WSCD2: variants seen among roughly 807,000 people sequenced by gnomAD.
The protein encoded by WSCD2 is WSC domain sialate O sulfotransferase 2.
Under a neutral mutation model 55.7 loss-of-function variants are expected in WSCD2, and 28 were observed. The ratio of observed to expected loss-of-function variants is 0.50; its 90% CI spans 0.37 to 0.69. The LOEUF is 0.69. WSCD2 is among the 30% of genes least tolerant of loss of function. The pLI, the probability that WSCD2 is intolerant of heterozygous loss-of-function variation, is 0.00. For missense variants in WSCD2, 616 were observed against 762.1 expected, an observed-to-expected ratio of 0.81 and a Z score of 2.26; for synonymous variants, 301 against 301.9, an observed-to-expected ratio of 1.00 and a Z score of 0.03.
intron 6 of WSCD2, among the ~76,000 whole-genome samples, chr12:108,227,856 CTGATGATAGTGA>C (rs913130845): frequency 2.6e-5 from 4 of 151,752 alleles, no homozygotes; most frequent in Admixed American, 2.6e-4. Context: ...GCTGATAGTG[CTGATGATAGTGA>C]TGATGAAAGT....
intron 1 of WSCD2, among the ~76,000 whole-genome samples, chr12:108,176,442 G>A (rs530076022): frequency 4.6e-5 from 7 of 152,222 alleles, no homozygotes; most frequent in South Asian, 2.1e-4. Flanking sequence ...TCTTTCACTC[G>A]GCATAATGCA....
At position 108,142,573 on chromosome 12, in the gene WSCD2, A is replaced by G. The variant is rs202076139; in HGVS notation, c.-552+12647A>G. Among the ~76,000 whole-genome samples the G allele has an allele frequency of 2.0e-5, 3 of 152,288 alleles. No individual in the cohort carries two copies. In the East Asian group the frequency reaches 5.8e-4, roughly 29 times the overall value. ...GATTCCTCATATACATGAGTAAAAT[A>G]GAAATAATGATAGTGTTTGCATTCA... On this transcript the variant is annotated intron_variant, in intron 1 of 8. Transcript: ENST00000547525.
At chr12:108,228,826 G>A (rs1041459202) in intron 6 of WSCD2, among the ~76,000 whole-genome samples, 1 of 152,204 alleles carries the variant, frequency 6.6e-6, no homozygotes, top group Admixed American at 6.5e-5. Flanking sequence ...CCTTCTGAGA[G>A]CCTAGTGAGC....
intron 1 of WSCD2, among the ~76,000 whole-genome samples, chr12:108,186,845 C>A (rs1207219846): frequency 2.6e-5 from 4 of 152,094 alleles, no homozygotes; most frequent in Non-Finnish European, 5.9e-5. Flanking sequence ...TAAGAAGAGA[C>A]AAATGAAAAG....
intron 2 of WSCD2, among the ~76,000 whole-genome samples, chr12:108,203,187 C>G (rs1053873553): frequency 3.9e-5 from 6 of 152,216 alleles, no homozygotes; most frequent in African/African-American, 1.4e-4. Flanking sequence ...CAAAAATCCA[C>G]CTTGAACTAG....
At chr12:108,192,178 AG>A (rs1883255718) in intron 1 of WSCD2, among the ~76,000 whole-genome samples, 1 of 152,196 alleles carries the variant, frequency 6.6e-6, no homozygotes, top group African/African-American at 2.4e-5. Context: ...TGAGGGGCGG[AG>A]GTGGGGCTTA....
At chr12:108,169,482 G>A (rs1273440650) in intron 1 of WSCD2, among the ~76,000 whole-genome samples, 2 of 152,082 alleles carry the variant, frequency 1.3e-5, no homozygotes, top group African/African-American at 2.4e-5. Flanking sequence ...TGACAGAAAC[G>A]TCAAGTTTGA....
intron 1 of WSCD2, among the ~76,000 whole-genome samples, chr12:108,161,766 C>T (rs1380070601): frequency 1.3e-5 from 2 of 151,562 alleles, no homozygotes; most frequent in Admixed American, 6.6e-5. Context: ...CATGTTCAGT[C>T]CTGTGATACC....
intron 6 of WSCD2, among the ~76,000 whole-genome samples, chr12:108,228,748 C>T (rs914724539): frequency 1.3e-5 from 2 of 152,224 alleles, no homozygotes; most frequent in Non-Finnish European, 2.9e-5. Flanking sequence ...CCACCAATAG[C>T]CTGTCCCTGT....
chr12:108,164,496 C>T (rs1879419108), intron 1 of WSCD2, among the ~76,000 whole-genome samples: 1 of 151,974 alleles, frequency 6.6e-6, no homozygotes, highest in African/African-American at 2.4e-5. Context: ...CTTTCTTGTT[C>T]ATTCAATTTT....
chr12:108,149,047 A>G (rs11113764), intron 1 of WSCD2, among the ~76,000 whole-genome samples: 11,299 of 152,322 alleles, frequency 0.074, 572 homozygotes, highest in Non-Finnish European at 0.11. Flanking sequence ...CAGAGGAGAC[A>G]TGATCAAAGG....
At chr12:108,131,147 C>T (rs1592853641) in intron 1 of WSCD2, among the ~76,000 whole-genome samples, 1 of 152,134 alleles carries the variant, frequency 6.6e-6, no homozygotes, top group Non-Finnish European at 1.5e-5. Flanking sequence ...TCCTCCAGGG[C>T]GTCAGAATCT....
In WSCD2 at chr12:108,129,806, A is replaced by C. The variant is rs1210664779; in HGVS notation, c.-672A>C. ...GCTCCCCTTTCCTTAAAGCCACTGC[A>C]GCAGCTGGGAAGGCGCCCACAGAGC... On this transcript the variant is annotated 5_prime_UTR_variant, in exon 1 of 9. Coordinates refer to ENST00000547525, the MANE Select transcript of WSCD2 (RefSeq NM_014653.4). 1 of 152,238 alleles carries C rather than the reference A, an allele frequency of 6.6e-6. No homozygotes were observed. The highest frequency in any genetic ancestry group is 1.5e-5 in the Non-Finnish European group (1 of 68,076). The allele number at this position is 152,238 out of a possible 1,614,324, so 9.4% of individuals were successfully genotyped here.
Position 108,248,941 on chromosome 12 carries a change from A to T in WSCD2, c.*598A>T. 1.0e-6 allele frequency: 1 copy of T among 985,370 alleles called. No homozygotes were observed. The highest frequency in any genetic ancestry group is 1.2e-6 in the Non-Finnish European group (1 of 829,304). 61.0% of individuals were successfully genotyped at this position (985,370 alleles called of 1,614,324 possible). A position where few individuals can be genotyped will look rare whatever the true frequency, so the allele number is the denominator to read the frequency against. ...GTGGGGAGGTAATGGTGCTCACAGT[A>T]GGTTAATTGGAGACACCATGTGGGG... On this transcript the variant is annotated 3_prime_UTR_variant, in exon 9 of 9. Transcript: ENST00000547525. The surrounding 1 kb of genome is among the most constrained non-coding windows in gnomAD (Gnocchi z 4.3).
At chr12:108,245,913 G>T (rs948495276) in intron 8 of WSCD2, among the ~76,000 whole-genome samples, 1 of 152,338 alleles carries the variant, frequency 6.6e-6, no homozygotes, top group Admixed American at 6.5e-5. Context: ...TGTTCCAGGG[G>T]ACTTGGTGGG....
At chr12:108,194,604 A>C (rs1189611584) in intron 1 of WSCD2, among the ~76,000 whole-genome samples, 2 of 151,630 alleles carry the variant, frequency 1.3e-5, no homozygotes, top group Non-Finnish European at 2.9e-5. Context: ...GCTGGGCACA[A>C]AGCTGAGCAC....
At chr12:108,150,444 A>T (rs1403090912) in intron 1 of WSCD2, among the ~76,000 whole-genome samples, 3 of 152,130 alleles carry the variant, frequency 2.0e-5, no homozygotes, top group Admixed American at 2.0e-4. Context: ...TCTCCCAGGA[A>T]GAGGTGTGGA....
chr12:108,192,757 TC>T (rs1245519691), intron 1 of WSCD2, among the ~76,000 whole-genome samples: 7 of 152,024 alleles, frequency 4.6e-5, no homozygotes, highest in African/African-American at 1.7e-4. Context: ...GAATTTTGAC[TC>T]CTTTTGCAAG....
chr12:108,147,421 A>G (rs571988883), intron 1 of WSCD2, among the ~76,000 whole-genome samples: 31 of 152,090 alleles, frequency 2.0e-4, no homozygotes, highest in African/African-American at 2.4e-5. Context: ...TAGAGGTTAG[A>G]GAAGGGAATA....
Sources: allele counts gnomAD v4.1 joint callset (sites outside exome capture counted in the v4.1 genomes callset), GRCh38; gene constraint gnomAD v4.1.1; non-coding constraint Gnocchi (gnomAD v3.1); transcripts MANE v1.5; gene names NCBI Gene and HGNC (gene_info 2026-07-23, HGNC 2026-07-21).